The following PPP2R5C variants were observed in gnomAD, a reference collection of about 807,000 sequenced individuals.
PPP2R5C encodes serine/threonine-protein phosphatase 2A 56 kDa regulatory subunit gamma isoform.
In PPP2R5C, 7 loss-of-function variants were observed where a neutral mutation model predicts 68.9. The observed-to-expected ratio is 0.10, with a 90% CI of 0.06 to 0.19. The LOEUF is 0.19. Ranked by LOEUF, PPP2R5C falls within the 10% of genes least tolerant of loss-of-function variation. PPP2R5C has a pLI of 1.00. For synonymous variants in PPP2R5C, 210 were observed against 222.2 expected, an observed-to-expected ratio of 0.95 and a Z score of 0.49; for missense variants, 348 against 641.3, an observed-to-expected ratio of 0.54 and a Z score of 4.94.
chr14:101,843,230 A>G (rs1343564595), intron 1 of PPP2R5C, among the ~76,000 whole-genome samples: 1 of 152,166 alleles, frequency 6.6e-6, no homozygotes, highest in Non-Finnish European at 1.5e-5. Flanking sequence ...CCTATCTAAA[A>G]CAAACTGGCA....
intron 3 of PPP2R5C, among the ~76,000 whole-genome samples, chr14:101,791,017 T>C (rs1233107887): frequency 6.6e-6 from 1 of 151,016 alleles, no homozygotes; most frequent in Non-Finnish European, 1.5e-5. Context: ...GAAGTGGAGG[T>C]TGCAGTGAGC....
intron 1 of PPP2R5C, among the ~76,000 whole-genome samples, chr14:101,815,939 G>T (rs977016600): frequency 6.6e-6 from 1 of 152,210 alleles, no homozygotes; most frequent in African/African-American, 2.4e-5. Context: ...CAAAGTACTG[G>T]GATTGTAGGC....
chr14:101,883,576 G>T lies in PPP2R5C; in HGVS notation c.629+14G>T. On this transcript the variant is annotated intron_variant, in intron 5 of 13. Coordinates refer to ENST00000334743, the Ensembl canonical transcript of PPP2R5C. ...TATATTTTATAGGTAAGTCACGTGT[G>T]GATGGCGTTGTCCTTGTGTGTGGTG... 6.2e-7 allele frequency: 1 copy of T among 1,610,840 alleles called. No homozygotes were observed. The highest frequency in any genetic ancestry group is 1.1e-5 in the South Asian group (1 of 90,782).
Position 101,835,848 on chromosome 14 carries a change from G to A in PPP2R5C, c.95-20838G>A, listed in dbSNP as rs1337437924. Among the ~76,000 whole-genome samples the A allele has an allele frequency of 3.3e-5, 5 of 152,204 alleles. No individual in the cohort carries two copies. Among genetic ancestry groups the A allele is most frequent in the African/African-American group, 7.2e-5 (3 of 41,456 alleles). ...GGCATCAGCACGGTCCCATCTGAGC[G>A]TCGCCTTAACCTCTCTGTAGACCTC... On this transcript the variant is annotated intron_variant, in intron 1 of 13. Coordinates refer to ENST00000334743, the Ensembl canonical transcript of PPP2R5C. This position sits in a 1 kb window ranked among gnomAD's most constrained non-coding sequence, Gnocchi z 5.0.
intron 2 of PPP2R5C, among the ~76,000 whole-genome samples, chr14:101,780,573 ACCT>A (rs1314049440): frequency 6.6e-6 from 1 of 151,498 alleles, no homozygotes. Flanking sequence ...GCGGGAGGAC[ACCT>A]CCTGCCATTC....
chr14:101,925,240 G>C lies in PPP2R5C; in HGVS notation c.1543G>C (p.Ala515Pro), dbSNP rs3742424. Residue 515 changes from alanine to proline, a missense_variant, in exon 14 of 14, where the codon GCC (alanine) becomes CCC (proline). Physicochemically the swap from Ala to Pro is conservative, Grantham distance 27. Coordinates refer to ENST00000334743, the Ensembl canonical transcript of PPP2R5C. Reference sequence around the variant, plus strand: ...GAAAGCCTTGGAAGCTCACTGCAGGGCCGATGAGCTGGCCTCCCAGGACGG... The same window carrying C: ...GAAAGCCTTGGAAGCTCACTGCAGGCCCGATGAGCTGGCCTCCCAGGACGG... 147,485 of 1,613,484 alleles carry C rather than the reference G, an allele frequency of 0.091. 10,029 individuals carry two copies. Among genetic ancestry groups the C allele is most frequent in the East Asian group, 0.31 (13,940 of 44,852 alleles).
intron 1 of PPP2R5C, chr14:101,831,727 T>C: frequency 1.4e-6 from 1 of 701,826 alleles, no homozygotes; most frequent in Non-Finnish European, 2.6e-6. Flanking sequence ...ATTCGAGACC[T>C]ATGTATACAG....
chr14:101,925,207 C>T, exon 14 of PPP2R5C: 2 of 1,614,062 alleles, frequency 1.2e-6, no homozygotes, highest in Non-Finnish European at 1.7e-6. Context: ...TCAGGACCCC[C>T]ACACCAAGAA....
At chr14:101,886,132 T>C (rs1731708030) in intron 5 of PPP2R5C, among the ~76,000 whole-genome samples, 1 of 152,104 alleles carries the variant, frequency 6.6e-6, no homozygotes, top group Admixed American at 6.5e-5. Context: ...ATACAAAAAA[T>C]TAGCCGGGCG....
chr14:101,827,778 A>G (rs961683568), intron 1 of PPP2R5C, among the ~76,000 whole-genome samples: 1 of 152,168 alleles, frequency 6.6e-6, no homozygotes, highest in African/African-American at 2.4e-5. Context: ...CTGCTCTTTG[A>G]CAGGACTTAC....
chr14:101,873,186 A>G (rs1055432272), intron 2 of PPP2R5C, among the ~76,000 whole-genome samples: 2 of 152,188 alleles, frequency 1.3e-5, no homozygotes, highest in African/African-American at 4.8e-5. Context: ...ACAATACTGT[A>G]TTCATGTCCT....
chr14:101,919,232 G>C (rs1205130424), intron 13 of PPP2R5C, among the ~76,000 whole-genome samples: 3 of 152,176 alleles, frequency 2.0e-5, no homozygotes, highest in Non-Finnish European at 4.4e-5. Flanking sequence ...CTCAACTCAG[G>C]TTAAGAGCAA....
rs116314666 is a variant in PPP2R5C, at chr14:101,814,678, G to A, written c.94+4642G>A. On this transcript the variant is annotated intron_variant, in intron 1 of 13. Transcript: ENST00000334743. ...TGTAGAGGAATGAAAGAAAAATAGA[G>A]GTAAGGTTATTAGTCAAGAATAGGG... Among the ~76,000 whole-genome samples the A allele has an allele frequency of 9.3e-3, 1,417 of 152,252 alleles. 28 individuals carry two copies. The highest frequency in any genetic ancestry group is 0.033 in the African/African-American group (1,364 of 41,540).
rs146820882 is a variant in PPP2R5C at position 101,797,870 on chromosome 14, C to G, written c.259+11687C>G. 4.5e-3 allele frequency among the ~76,000 whole-genome samples: 686 copies of G among 152,158 alleles called. 5 individuals are homozygous for G. The highest frequency in any genetic ancestry group is 0.016 in the African/African-American group (665 of 41,502). ...CCAGCACTCTGGGTGGATTTCACTT[C>G]ATCTACTCCACTCACCTACGCTGAG... On this transcript the variant is annotated intron_variant, in intron 3 of 14. Coordinates refer to the PPP2R5C transcript ENST00000328724. This position sits in a 1 kb window ranked among gnomAD's most constrained non-coding sequence, Gnocchi z 4.2.
upstream of PPP2R5C, among the ~76,000 whole-genome samples, chr14:101,807,121 G>T (rs369758663): frequency 2.0e-4 from 30 of 152,236 alleles, no homozygotes; most frequent in Admixed American, 5.2e-4. Flanking sequence ...GGTTTTGATT[G>T]ATTTTTATTT....
At chr14:101,799,174 G>C (rs1217819101) in intron 3 of PPP2R5C, among the ~76,000 whole-genome samples, 1 of 152,186 alleles carries the variant, frequency 6.6e-6, no homozygotes, top group Non-Finnish European at 1.5e-5. Flanking sequence ...GGATGAGGGT[G>C]GTCTAAGCCG....
intron 1 of PPP2R5C, among the ~76,000 whole-genome samples, chr14:101,855,989 CCAT>C (rs2042398831): frequency 6.6e-6 from 1 of 152,212 alleles, no homozygotes; most frequent in South Asian, 2.1e-4. Context: ...TTCTAAATTG[CCAT>C]CATCATTAAC....
intron 2 of PPP2R5C, among the ~76,000 whole-genome samples, chr14:101,767,573 T>C (rs1221392241): frequency 6.6e-6 from 1 of 152,086 alleles, no homozygotes; most frequent in Non-Finnish European, 1.5e-5. Context: ...TCTTCCCACC[T>C]TTTTTTCCAT....
At chr14:101,876,615 T>G (rs1041296196) in intron 2 of PPP2R5C, among the ~76,000 whole-genome samples, 2 of 152,200 alleles carry the variant, frequency 1.3e-5, no homozygotes, top group Non-Finnish European at 2.9e-5. Context: ...TTTAATAAAT[T>G]TAGCAATTTG....
Sources: gnomAD v4.1 joint callset for allele counts (sites outside exome capture counted in the v4.1 genomes callset) on GRCh38, gnomAD v4.1.1 for gene constraint, Gnocchi (gnomAD v3.1) non-coding constraint, MANE v1.5 for transcripts, NCBI Gene and HGNC (gene_info 2026-07-23, HGNC 2026-07-21) for gene names.